The following VKORC1L1 variants were observed in gnomAD, a reference collection of about 807,000 sequenced individuals.
The protein encoded by VKORC1L1 is vitamin K epoxide reductase complex subunit 1-like protein 1.
In VKORC1L1, 2 loss-of-function variants were observed where a neutral mutation model predicts 18.9. The ratio of observed to expected loss-of-function variants is 0.11; its 90% CI spans 0.04 to 0.33. VKORC1L1 has a LOEUF of 0.33. Among genes scored for constraint, VKORC1L1 ranks in the 10% least tolerant of loss-of-function variants. VKORC1L1 has a pLI of 1.00. For missense variants in VKORC1L1, 123 were observed against 224.1 expected (o/e 0.55, Z 2.88); for synonymous variants, 96 against 100.0 (o/e 0.96, Z 0.24).
At chr7:65,926,142 AATTATTATTATTATT>A (rs58145133) in intron 1 of VKORC1L1, among the ~76,000 whole-genome samples, 1 of 146,706 alleles carries the variant, frequency 6.8e-6, no homozygotes, top group South Asian at 2.2e-4. Context: ...AATTTTAATG[AATTATTATTATTATT>A]ATTATTATTA....
rs1788849429 is a variant in VKORC1L1, at chr7:65,877,490, G to A, written c.194+3925G>A. Among the ~76,000 whole-genome samples the A allele has an allele frequency of 2.6e-5, 4 of 152,084 alleles. No homozygotes were observed. In the South Asian group the frequency reaches 8.3e-4, roughly 32 times the overall value. On this transcript the variant is annotated intron_variant, in intron 1 of 2. Transcript: ENST00000360768. ...AGCCTCCCAAGGAGCTGGGATTACA[G>A]GTGCCCACCACCATGCCCGGCTAAT...
chr7:65,893,928 A>G lies in VKORC1L1; in HGVS notation c.194+20363A>G, dbSNP rs150222204. Among the ~76,000 whole-genome samples, 483 of 151,986 alleles carry G rather than the reference A, an allele frequency of 3.2e-3. 2 individuals carry two copies. Among genetic ancestry groups the G allele is most frequent in the African/African-American group, 0.01 (433 of 41,448 alleles). On this transcript the variant is annotated intron_variant, in intron 1 of 2. Transcript: ENST00000360768. ...AATACCTGTTAGGATTTTGATTGGA[A>G]TTGTGTTGAATCAGTTTGGGAATAA...
At chr7:65,930,170 G>T (rs575060078) in intron 1 of VKORC1L1, among the ~76,000 whole-genome samples, 1 of 152,246 alleles carries the variant, frequency 6.6e-6, no homozygotes, top group South Asian at 2.1e-4. Context: ...AAGCTCTTTT[G>T]CATTTTCCTT....
chr7:65,898,077 GTTTT>G (rs71051319), intron 1 of VKORC1L1, among the ~76,000 whole-genome samples: 16 of 82,996 alleles, frequency 1.9e-4, no homozygotes, highest in South Asian at 4.0e-4. Flanking sequence ...TTTGTAGCAG[GTTTT>G]TTTTTTTTTT....
intron 1 of VKORC1L1, among the ~76,000 whole-genome samples, chr7:65,933,174 G>A (rs994796122): frequency 6.6e-6 from 1 of 151,242 alleles, no homozygotes; most frequent in African/African-American, 2.4e-5. Flanking sequence ...CTTCAGACCT[G>A]TATCCTTTCT....
intron 1 of VKORC1L1, among the ~76,000 whole-genome samples, chr7:65,915,638 T>G (rs954493853): frequency 2.0e-5 from 3 of 151,964 alleles, no homozygotes; most frequent in South Asian, 2.1e-4. Flanking sequence ...AACCAGTTTT[T>G]TTTTTTTTTT....
In VKORC1L1 at chr7:65,954,967, A is replaced by C. The variant is rs1261855901; in HGVS notation, c.*667A>C. 1.3e-5 allele frequency: 2 copies of C among 152,002 alleles called. No individual in the cohort carries two copies. The highest frequency in any genetic ancestry group is 4.8e-5 in the African/African-American group (2 of 41,368). 9.4% of individuals were successfully genotyped at this position (152,002 alleles called of 1,614,324 possible). On this transcript the variant is annotated 3_prime_UTR_variant, in exon 3 of 3. Coordinates refer to ENST00000360768, the MANE Select transcript of VKORC1L1 (RefSeq NM_173517.6). ...CCGTGGTTGCAGCAAATAATAGGGCAAAAAAAATAATAATAGGGTGGTCGG... is the reference window on the plus strand; with the variant it reads ...CCGTGGTTGCAGCAAATAATAGGGCCAAAAAAATAATAATAGGGTGGTCGG...
intron 1 of VKORC1L1, among the ~76,000 whole-genome samples, chr7:65,934,733 T>G (rs1789912830): frequency 6.6e-6 from 1 of 152,112 alleles, no homozygotes; most frequent in African/African-American, 2.4e-5. Flanking sequence ...TGAAGAATCT[T>G]ACAAATGTTA....
intron 1 of VKORC1L1, among the ~76,000 whole-genome samples, chr7:65,928,361 G>T (rs1333213510): frequency 1.3e-5 from 2 of 151,248 alleles, no homozygotes; most frequent in African/African-American, 4.9e-5. Context: ...TGATAGCTGG[G>T]ATTACAGGCA....
At chr7:65,916,304 T>C (rs1352431618) in intron 1 of VKORC1L1, among the ~76,000 whole-genome samples, 5 of 152,126 alleles carry the variant, frequency 3.3e-5, no homozygotes, top group African/African-American at 1.2e-4. Context: ...TAGAAAGTCA[T>C]AGAATTTAAA....
chr7:65,920,426 A>G (rs1271610096), intron 1 of VKORC1L1, among the ~76,000 whole-genome samples: 1 of 152,108 alleles, frequency 6.6e-6, no homozygotes. Flanking sequence ...CACACTGGGG[A>G]CTCACTGCTG....
At position 65,944,229 on chromosome 7, in the gene VKORC1L1, G is replaced by A. The variant is rs188834431; in HGVS notation, c.195-4442G>A. 3.8e-3 allele frequency among the ~76,000 whole-genome samples: 584 copies of A among 151,974 alleles called. 6 individuals are homozygous for A. The highest frequency in any genetic ancestry group is 0.013 in the African/African-American group (556 of 41,468). On this transcript the variant is annotated intron_variant, in intron 1 of 2. Transcript: ENST00000360768. ...CAAAAATAAAAAAAATTAGCCCTGC[G>A]TGGTGGTGGGAGCCTGTAATCCCAG...
chr7:65,914,365 GTGC>G (rs1478060984), intron 1 of VKORC1L1, among the ~76,000 whole-genome samples: 1 of 152,218 alleles, frequency 6.6e-6, no homozygotes, highest in Non-Finnish European at 1.5e-5. Flanking sequence ...GCCTCCCAAA[GTGC>G]TGGGATTACA....
intron 1 of VKORC1L1, among the ~76,000 whole-genome samples, chr7:65,920,407 A>T (rs1486551220): frequency 2.0e-5 from 3 of 152,128 alleles, no homozygotes; most frequent in Non-Finnish European, 4.4e-5. Context: ...CACCTGCTGG[A>T]CCCTGCTACA....
intron 1 of VKORC1L1, among the ~76,000 whole-genome samples, chr7:65,941,395 A>G (rs1389157912): frequency 6.6e-6 from 1 of 152,010 alleles, no homozygotes; most frequent in Non-Finnish European, 1.5e-5. Flanking sequence ...GATTACAGGC[A>G]TGAGCCACCA....
chr7:65,927,311 T>C (rs906553788), intron 1 of VKORC1L1, among the ~76,000 whole-genome samples: 7 of 151,806 alleles, frequency 4.6e-5, no homozygotes, highest in African/African-American at 1.7e-4. Flanking sequence ...AAAAAAATCA[T>C]AATGGGTACA....
intron 1 of VKORC1L1, among the ~76,000 whole-genome samples, chr7:65,877,488 CA>C (rs1788849379): frequency 6.6e-6 from 1 of 152,118 alleles, no homozygotes; most frequent in South Asian, 2.1e-4. Context: ...GCTGGGATTA[CA>C]GGTGCCCACC....
rs1789468369 is a variant in VKORC1L1, at chr7:65,909,690, T to TGTGTGTGTGTGTGTGTG, written c.194+36125_194+36126insGTGTGTGTGTGTGTGTG. 7.1e-4 allele frequency among the ~76,000 whole-genome samples: 88 copies of TGTGTGTGTGTGTGTGTG among 123,840 alleles called. 1 individual carries two copies. Among genetic ancestry groups the TGTGTGTGTGTGTGTGTG allele is most frequent in the African/African-American group, 2.7e-3 (86 of 31,744 alleles). The allele number at this position is 123,840 out of a possible 152,430, so 81.2% of individuals were successfully genotyped here. A position where few individuals can be genotyped will look rare whatever the true frequency, so the allele number is the denominator to read the frequency against. Reference sequence around the variant, plus strand: ...AAGCTTCTAACTTTTGTTTTAGCCTTTGTGTGTGTGTGTGTGTGTGTGTGT... The same window carrying TGTGTGTGTGTGTGTGTG: ...AAGCTTCTAACTTTTGTTTTAGCCTTGTGTGTGTGTGTGTGTGTGTGTGTGTGTGTGTGTGTGTGTGT... On this transcript the variant is annotated intron_variant, in intron 1 of 2. Transcript: ENST00000360768.
At chr7:65,885,539 A>G (rs1319466898) in intron 1 of VKORC1L1, among the ~76,000 whole-genome samples, 1 of 151,924 alleles carries the variant, frequency 6.6e-6, no homozygotes, top group Admixed American at 6.6e-5. Flanking sequence ...TATGTGAAAA[A>G]ATTTTTTTCA....
Sources: allele counts gnomAD v4.1 joint callset (sites outside exome capture counted in the v4.1 genomes callset), GRCh38; gene constraint gnomAD v4.1.1; transcripts MANE v1.5; gene names NCBI Gene and HGNC (gene_info 2026-07-23, HGNC 2026-07-21).